The following MSRA variants were observed in gnomAD, a reference collection of about 807,000 sequenced individuals.
MSRA encodes the protein mitochondrial peptide methionine sulfoxide reductase.
MSRA carries 54 observed loss-of-function variants against 31.3 expected under a neutral mutation model. That is an observed-to-expected ratio of 1.73 (90% CI 1.39 to 2.17). MSRA has a LOEUF of 2.17. MSRA is among the 30% of genes most tolerant of loss of function. The probability of loss-of-function intolerance (pLI) is 0.00; values close to 1 mark genes in which losing one functional copy is unlikely to be tolerated. For missense variants in MSRA, 507 were observed against 300.9 expected (o/e 1.69, Z -5.07); for synonymous variants, 169 against 116.5 (o/e 1.45, Z -2.90).
intron 1 of MSRA, among the ~76,000 whole-genome samples, chr8:10,069,085 T>C (rs1362789015): frequency 6.6e-6 from 1 of 152,264 alleles, no homozygotes; most frequent in Non-Finnish European, 1.5e-5. Context: ...TCGTTGCTGG[T>C]ATAGGAAGGC....
chr8:10,369,933 A>T (rs745921093), intron 5 of MSRA, among the ~76,000 whole-genome samples: 1 of 152,250 alleles, frequency 6.6e-6, no homozygotes, highest in African/African-American at 2.4e-5. Flanking sequence ...CCATGAGTTC[A>T]TAACTAACCA....
intron 3 of MSRA, among the ~76,000 whole-genome samples, chr8:10,274,416 C>T (rs948428892): frequency 6.6e-6 from 1 of 152,156 alleles, no homozygotes; most frequent in Admixed American, 6.5e-5. Flanking sequence ...GGATGCTTCA[C>T]TCCAAATGTC....
At chr8:10,169,446 C>T (rs549333211) in intron 1 of MSRA, among the ~76,000 whole-genome samples, 4 of 152,250 alleles carry the variant, frequency 2.6e-5, no homozygotes, top group South Asian at 4.1e-4. Context: ...AGCTATGTAC[C>T]TTGCACCCTG....
intron 1 of MSRA, among the ~76,000 whole-genome samples, chr8:10,109,829 C>A (rs1055596479): frequency 6.6e-6 from 1 of 152,094 alleles, no homozygotes; most frequent in Non-Finnish European, 1.5e-5. Flanking sequence ...TTGAACTGTT[C>A]AGGACAGTGA....
chr8:10,187,112 T>G lies in MSRA; in HGVS notation c.143-20721T>G, dbSNP rs1346774201. 2.0e-5 allele frequency among the ~76,000 whole-genome samples: 3 copies of G among 152,224 alleles called. No homozygotes were observed. The East Asian group carries it at 5.8e-4, about 29-fold the overall frequency. On this transcript the variant is annotated intron_variant, in intron 1 of 5. Coordinates refer to ENST00000317173, the MANE Select transcript of MSRA (RefSeq NM_012331.5). ...TTAAAGACATGGGTACCTGGCAGCA[T>G]GCTACAGAGGATTGTTTTAGAATCT...
At chr8:10,257,311 C>T (rs1318049826) in intron 3 of MSRA, among the ~76,000 whole-genome samples, 1 of 152,182 alleles carries the variant, frequency 6.6e-6, no homozygotes, top group Non-Finnish European at 1.5e-5. Flanking sequence ...ACCCTTACCC[C>T]CGGAACATTT....
At chr8:10,177,232 A>G (rs1806133069) in intron 1 of MSRA, among the ~76,000 whole-genome samples, 1 of 152,214 alleles carries the variant, frequency 6.6e-6, no homozygotes, top group East Asian at 1.9e-4. Context: ...AGAATTCAGG[A>G]CAGACAGGTG....
At chr8:10,167,228 G>A (rs906826635) in intron 1 of MSRA, among the ~76,000 whole-genome samples, 6 of 152,190 alleles carry the variant, frequency 3.9e-5, no homozygotes, top group Non-Finnish European at 5.9e-5. Context: ...AGTTCTGCAT[G>A]TTCTGATGTC....
At chr8:10,354,775 T>C (rs1024524728) in intron 5 of MSRA, among the ~76,000 whole-genome samples, 1 of 146,426 alleles carries the variant, frequency 6.8e-6, no homozygotes, top group African/African-American at 2.5e-5. Flanking sequence ...TATATATATA[T>C]ATACCAGTTA....
At chr8:10,144,941 T>C (rs1803012780) in intron 1 of MSRA, among the ~76,000 whole-genome samples, 2 of 151,370 alleles carry the variant, frequency 1.3e-5, no homozygotes, top group African/African-American at 4.9e-5. Context: ...CCTTCAAACA[T>C]AAAGCTGCTG....
At chr8:10,103,755 A>G (rs1049112379) in intron 1 of MSRA, among the ~76,000 whole-genome samples, 3 of 152,070 alleles carry the variant, frequency 2.0e-5, no homozygotes, top group African/African-American at 7.2e-5. Context: ...AAGACCTTCA[A>G]ATAGATAGCA....
chr8:10,278,729 C>A (rs920115285), intron 3 of MSRA, among the ~76,000 whole-genome samples: 1 of 152,184 alleles, frequency 6.6e-6, no homozygotes, highest in Non-Finnish European at 1.5e-5. Flanking sequence ...ATGGTAACTC[C>A]TAGAAGAAAG....
At chr8:10,164,672 G>T (rs536333650) in intron 1 of MSRA, among the ~76,000 whole-genome samples, 3 of 152,090 alleles carry the variant, frequency 2.0e-5, no homozygotes, top group African/African-American at 7.2e-5. Context: ...TGCCTAGGAC[G>T]TAGAAGGACT....
chr8:10,173,298 A>C (rs558494653), intron 1 of MSRA, among the ~76,000 whole-genome samples: 60 of 152,232 alleles, frequency 3.9e-4, no homozygotes, highest in Non-Finnish European at 6.8e-4. Context: ...TAAAAGATGA[A>C]AAATTGTGTC....
At chr8:10,211,189 T>C (rs965323490) in intron 2 of MSRA, among the ~76,000 whole-genome samples, 4 of 152,148 alleles carry the variant, frequency 2.6e-5, no homozygotes, top group Non-Finnish European at 4.4e-5. Flanking sequence ...GAAAGACAGA[T>C]AGAGTGTGGG....
intron 2 of MSRA, among the ~76,000 whole-genome samples, chr8:10,208,226 A>G (rs7832670): frequency 0.81 from 121,778 of 151,260 alleles, 51,685 homozygotes; most frequent in East Asian, 0.96. Context: ...TTTTTTTTCC[A>G]CATAGATATA....
At position 10,094,917 on chromosome 8, in the gene MSRA, T is replaced by C. The variant is rs553242146; in HGVS notation, c.142+40259T>C. ...GATGTTTTATTTTCCTTTTTATTGT[T>C]ATTTGTTTTATCAAAAGAACTCTTC... On this transcript the variant is annotated intron_variant, in intron 1 of 5. Coordinates refer to ENST00000317173, the MANE Select transcript of MSRA (RefSeq NM_012331.5). Among the ~76,000 whole-genome samples the C allele has an allele frequency of 2.1e-4, 32 of 152,322 alleles. 1 individual carries two copies. Among genetic ancestry groups the C allele is most frequent in the African/African-American group, 7.5e-4 (31 of 41,548 alleles).
intron 1 of MSRA, among the ~76,000 whole-genome samples, chr8:10,077,239 G>A (rs908938510): frequency 6.6e-6 from 1 of 152,148 alleles, no homozygotes; most frequent in African/African-American, 2.4e-5. Context: ...GAGGGAGGGC[G>A]AGAGCCAGGC....
chr8:10,322,892 C>G (rs543218216), intron 5 of MSRA, among the ~76,000 whole-genome samples: 13 of 152,064 alleles, frequency 8.5e-5, no homozygotes, highest in Non-Finnish European at 1.6e-4. Context: ...GACTTCGAGA[C>G]CAGCCTGACT....
Sources: gnomAD v4.1 joint callset for allele counts (sites outside exome capture counted in the v4.1 genomes callset) on GRCh38, gnomAD v4.1.1 for gene constraint, MANE v1.5 for transcripts, NCBI Gene and HGNC (gene_info 2026-07-23, HGNC 2026-07-21) for gene names.